The following HS3ST4 variants were observed in gnomAD, a reference collection of about 807,000 sequenced individuals.
HS3ST4 encodes the protein heparan sulfate-glucosamine 3-sulfotransferase 4.
A neutral mutation model predicts 29.2 loss-of-function variants in HS3ST4; 17 were observed. That is an observed-to-expected ratio of 0.58 (90% CI 0.40 to 0.87). The LOEUF is 0.87. HS3ST4 is among the 40% of genes least tolerant of loss of function. HS3ST4 has a pLI of 0.00. For missense variants in HS3ST4, 627 were observed against 634.5 expected, an observed-to-expected ratio of 0.99 and a Z score of 0.13; for synonymous variants, 314 against 285.7, an observed-to-expected ratio of 1.10 and a Z score of -1.00.
At position 25,718,391 on chromosome 16, in the gene HS3ST4, G is replaced by A. The variant is rs566031792; in HGVS notation, c.734+25240G>A. 7.2e-5 allele frequency among the ~76,000 whole-genome samples: 11 copies of A among 152,246 alleles called. No homozygotes were observed. In the East Asian group the frequency reaches 1.7e-3, roughly 24 times the overall value. On this transcript the variant is annotated intron_variant, in intron 1 of 1. Coordinates refer to ENST00000331351, the MANE Select transcript of HS3ST4 (RefSeq NM_006040.3). ...AAAATGAACGGGACTTACCTTTAGA[G>A]TCTTGGAGCAGCAAGGATAGGGTGT...
rs558112172 is a variant in HS3ST4, at chr16:25,791,035, G to A, written c.734+97884G>A. Among the ~76,000 whole-genome samples, 5 of 151,944 alleles carry A rather than the reference G, an allele frequency of 3.3e-5. No homozygotes were observed. In the East Asian group the frequency reaches 5.8e-4, roughly 18 times the overall value. ...GTTTATTCTGTATTTTTCAAACAGAGCTCCAATTTATATATGATTGATTTT... is the reference window on the plus strand; with the variant it reads ...GTTTATTCTGTATTTTTCAAACAGAACTCCAATTTATATATGATTGATTTT... On this transcript the variant is annotated intron_variant, in intron 1 of 1. Coordinates refer to ENST00000331351, the MANE Select transcript of HS3ST4 (RefSeq NM_006040.3).
At chr16:26,084,423 T>G (rs911836810) in intron 1 of HS3ST4, among the ~76,000 whole-genome samples, 1 of 152,230 alleles carries the variant, frequency 6.6e-6, no homozygotes, top group African/African-American at 2.4e-5. Flanking sequence ...TCTCCAGCCC[T>G]TCTTTCACTT....
intron 1 of HS3ST4, among the ~76,000 whole-genome samples, chr16:25,874,656 C>T (rs1967810655): frequency 6.6e-6 from 1 of 152,166 alleles, no homozygotes; most frequent in Admixed American, 6.5e-5. Flanking sequence ...TCCGTCTATC[C>T]TTCCATCCAG....
intron 1 of HS3ST4, among the ~76,000 whole-genome samples, chr16:25,905,626 A>G (rs1567269297): frequency 1.3e-5 from 2 of 152,182 alleles, no homozygotes; most frequent in African/African-American, 4.8e-5. Flanking sequence ...ACTCAGTAGG[A>G]TTTGGTAGCC....
intron 1 of HS3ST4, among the ~76,000 whole-genome samples, chr16:26,120,073 G>GTGTA (rs1555485139): frequency 1.4e-3 from 141 of 102,628 alleles, no homozygotes; most frequent in Middle Eastern, 9.7e-3. Flanking sequence ...GTGTGTGTAT[G>GTGTA]TGTGTGTGTG....
At chr16:25,992,406 GAGGAAAC>G (rs1224872983) in intron 1 of HS3ST4, among the ~76,000 whole-genome samples, 1 of 152,234 alleles carries the variant, frequency 6.6e-6, no homozygotes, top group East Asian at 1.9e-4. Flanking sequence ...ATTCCAGGTA[GAGGAAAC>G]AGTATATATC....
At chr16:26,112,286 G>A (rs1226901273) in intron 1 of HS3ST4, among the ~76,000 whole-genome samples, 1 of 150,718 alleles carries the variant, frequency 6.6e-6, no homozygotes, top group African/African-American at 2.4e-5. Flanking sequence ...GGTGTCTTAA[G>A]ACTGTAATAT....
rs542923676 is a variant in HS3ST4 at position 25,697,599 on chromosome 16, G to A, written c.734+4448G>A. ...TTCTACTGGGCAGCACCTGTGTGGT[G>A]TAGTGCTTTGTAAACTTTAGGATCA... On this transcript the variant is annotated intron_variant, in intron 1 of 1. Transcript: ENST00000331351. Among the ~76,000 whole-genome samples the A allele has an allele frequency of 7.2e-5, 11 of 152,338 alleles. No individual in the cohort carries two copies. The South Asian group carries it at 1.9e-3, about 26-fold the overall frequency.
At chr16:25,766,402 T>G (rs78236465) in intron 1 of HS3ST4, among the ~76,000 whole-genome samples, 1,909 of 152,268 alleles carry the variant, frequency 0.013, 36 homozygotes, top group African/African-American at 0.043. Context: ...GAGATTTTAG[T>G]TATTGGAGTC....
intron 1 of HS3ST4, among the ~76,000 whole-genome samples, chr16:25,694,235 T>G (rs1467633019): frequency 1.3e-5 from 2 of 152,228 alleles, no homozygotes; most frequent in Non-Finnish European, 2.9e-5. Flanking sequence ...CAAGATTGTT[T>G]CTCTGACAGG....
At chr16:25,880,092 C>T (rs1465434501) in intron 1 of HS3ST4, among the ~76,000 whole-genome samples, 1 of 152,160 alleles carries the variant, frequency 6.6e-6, no homozygotes, top group Non-Finnish European at 1.5e-5. Flanking sequence ...AAGTGGGTAG[C>T]TAATAATTGG....
chr16:26,006,182 C>T (rs1321163075), intron 1 of HS3ST4, among the ~76,000 whole-genome samples: 2 of 151,108 alleles, frequency 1.3e-5, no homozygotes, highest in Non-Finnish European at 2.9e-5. Flanking sequence ...ACCTGTAGTC[C>T]CAGCTACTTG....
chr16:25,715,837 G>T (rs145436389), intron 1 of HS3ST4, among the ~76,000 whole-genome samples: 1 of 152,356 alleles, frequency 6.6e-6, no homozygotes, highest in East Asian at 1.9e-4. Flanking sequence ...TCTGTGGTCA[G>T]AAGACTGCCT....
intron 1 of HS3ST4, among the ~76,000 whole-genome samples, chr16:26,023,821 G>T (rs563377498): frequency 6.6e-6 from 1 of 152,204 alleles, no homozygotes; most frequent in Non-Finnish European, 1.5e-5. Context: ...ACAGAGAGGA[G>T]TTTGCACCCT....
In HS3ST4 at chr16:25,820,010, C is replaced by CAAAAAAAAAA. The variant is rs142336784; in HGVS notation, c.734+126889_734+126898dup. ...TGGGTGACAGAGTGATACTCTGTCT[C>CAAAAAAAAAA]AAAAAAAAAAAAAAAAAAAAAAAAA... On this transcript the variant is annotated intron_variant, in intron 1 of 1. Transcript: ENST00000331351. 7.5e-4 allele frequency among the ~76,000 whole-genome samples: 35 copies of CAAAAAAAAAA among 46,926 alleles called. 1 individual carries two copies. Among genetic ancestry groups the CAAAAAAAAAA allele is most frequent in the East Asian group, 1.3e-3 (1 of 800 alleles). The allele number at this position is 46,926 out of a possible 152,430, so 30.8% of individuals were successfully genotyped here.
At chr16:25,785,470 G>A (rs1330457091) in intron 1 of HS3ST4, among the ~76,000 whole-genome samples, 1 of 152,186 alleles carries the variant, frequency 6.6e-6, no homozygotes, top group East Asian at 1.9e-4. Flanking sequence ...CAATCATTCA[G>A]AAAGAATTTC....
chr16:26,056,765 G>C (rs1373231723), intron 1 of HS3ST4, among the ~76,000 whole-genome samples: 1 of 152,120 alleles, frequency 6.6e-6, no homozygotes, highest in Admixed American at 6.5e-5. Flanking sequence ...TTTGTCTGTT[G>C]CTTCTTAAAA....
chr16:25,791,247 A>G (rs761645966), intron 1 of HS3ST4, among the ~76,000 whole-genome samples: 12 of 151,974 alleles, frequency 7.9e-5, no homozygotes, highest in Non-Finnish European at 1.3e-4. Context: ...TTGCTAGACT[A>G]TTTTTCTGAC....
chr16:25,873,480 C>CTCTATCTATCTA (rs1157206082), intron 1 of HS3ST4, among the ~76,000 whole-genome samples: 26 of 69,872 alleles, frequency 3.7e-4, no homozygotes, highest in African/African-American at 1.2e-3. Flanking sequence ...CCATCTATCT[C>CTCTATCTATCTA]TCTATCTATC....
Sources: gnomAD v4.1 joint callset for allele counts (sites outside exome capture counted in the v4.1 genomes callset) on GRCh38, gnomAD v4.1.1 for gene constraint, MANE v1.5 for transcripts, NCBI Gene and HGNC (gene_info 2026-07-23, HGNC 2026-07-21) for gene names.